KIAA1328: variants seen among roughly 807,000 people sequenced by gnomAD.
KIAA1328 encodes the protein KIAA1328, also known as protein hinderin.
In KIAA1328, 52 loss-of-function variants were observed where a neutral mutation model predicts 68.1. The ratio of observed to expected loss-of-function variants is 0.76; its 90% CI spans 0.61 to 0.96. The LOEUF (loss-of-function observed/expected upper bound fraction) is 0.96. Among genes scored for constraint, KIAA1328 ranks in the 40% least tolerant of loss-of-function variants. KIAA1328 has a pLI of 0.00. For missense variants in KIAA1328, 641 were observed against 677.6 expected, an observed-to-expected ratio of 0.95 and a Z score of 0.60; for synonymous variants, 232 against 239.4, an observed-to-expected ratio of 0.97 and a Z score of 0.28.
At chr18:37,094,896 C>A (rs2057361565) in intron 7 of KIAA1328, among the ~76,000 whole-genome samples, 1 of 150,220 alleles carries the variant, frequency 6.7e-6, no homozygotes, top group South Asian at 2.1e-4. Flanking sequence ...CATTTAAATG[C>A]AAACCAAAAG....
At position 37,115,768 on chromosome 18, in the gene KIAA1328, T is replaced by C. The variant is rs951501627; in HGVS notation, c.1233-44432T>C. On this transcript the variant is annotated intron_variant, in intron 7 of 9. Coordinates refer to ENST00000280020, the MANE Select transcript of KIAA1328 (RefSeq NM_020776.3). ...ATGATTGTATATCTAGAAAACCCCA[T>C]CGTCTCAGCCCAAAATCTCCTTAAG... is the stretch of plus-strand genomic sequence containing the variant. 7.9e-5 allele frequency among the ~76,000 whole-genome samples: 12 copies of C among 152,288 alleles called. No homozygotes were observed. In the South Asian group the frequency reaches 1.7e-3, roughly 21 times the overall value.
At chr18:37,042,580 CTTCA>C (rs1379215745) in intron 6 of KIAA1328, among the ~76,000 whole-genome samples, 1 of 152,004 alleles carries the variant, frequency 6.6e-6, no homozygotes, top group Non-Finnish European at 1.5e-5. Context: ...TGCCTTTTGG[CTTCA>C]TTGTTTCTCA....
At chr18:37,044,798 CAAA>C (rs35937835) in intron 6 of KIAA1328, among the ~76,000 whole-genome samples, 4 of 80,756 alleles carry the variant, frequency 5.0e-5, no homozygotes, top group Non-Finnish European at 5.1e-5. Flanking sequence ...GACTCCGGCT[CAAA>C]AAAAAAAAAA....
At chr18:36,959,680 A>G (rs2051577988) in intron 6 of KIAA1328, among the ~76,000 whole-genome samples, 1 of 152,168 alleles carries the variant, frequency 6.6e-6, no homozygotes, top group African/African-American at 2.4e-5. Flanking sequence ...TTCTGGTTGT[A>G]TGAAAGCACA....
intron 7 of KIAA1328, among the ~76,000 whole-genome samples, chr18:37,095,693 G>A (rs777180311): frequency 2.6e-5 from 4 of 151,894 alleles, no homozygotes; most frequent in Non-Finnish European, 5.9e-5. Context: ...AAAATACATA[G>A]GGCCAATGAA....
intron 1 of KIAA1328, chr18:36,829,540 C>T (rs2150739991): frequency 1.2e-6 from 1 of 858,896 alleles, no homozygotes; most frequent in Non-Finnish European, 1.5e-6. Context: ...CCCAGGCTGA[C>T]TTGAGTGTGC....
chr18:36,829,872 G>A (rs2046404412), intron 1 of KIAA1328, among the ~76,000 whole-genome samples: 1 of 152,148 alleles, frequency 6.6e-6, no homozygotes, highest in Admixed American at 6.5e-5. Context: ...GAGAAGCAGT[G>A]GAACTTTTTA....
chr18:36,829,276 G>C (rs2046367125), intron 1 of KIAA1328, 80 bp downstream of exon 1: 10 of 1,443,306 alleles, frequency 6.9e-6, no homozygotes, highest in Non-Finnish European at 7.2e-6. Context: ...GGCAGTCCGA[G>C]AGCGGAGGAG....
At chr18:37,118,245 T>G (rs1322098238) in intron 7 of KIAA1328, among the ~76,000 whole-genome samples, 1 of 152,120 alleles carries the variant, frequency 6.6e-6, no homozygotes, top group Non-Finnish European at 1.5e-5. Flanking sequence ...TCCACCCGCC[T>G]CAGCCTCCCA....
chr18:37,199,192 C>T (rs928733587), intron 9 of KIAA1328, among the ~76,000 whole-genome samples: 2 of 152,068 alleles, frequency 1.3e-5, no homozygotes, highest in African/African-American at 4.8e-5. Context: ...AATATTTTAT[C>T]CCCTCGGTAT....
chr18:36,956,755 T>G (rs983270799), intron 5 of KIAA1328, among the ~76,000 whole-genome samples: 2 of 152,212 alleles, frequency 1.3e-5, no homozygotes, highest in Non-Finnish European at 2.9e-5. Context: ...CAGACTAATA[T>G]GTTCACCTAC....
intron 7 of KIAA1328, among the ~76,000 whole-genome samples, chr18:37,126,169 A>G (rs1599361312): frequency 6.6e-6 from 1 of 152,240 alleles, no homozygotes; most frequent in East Asian, 1.9e-4. Context: ...GGCTTTGTAT[A>G]TAAGGTATAT....
chr18:36,833,576 C>A (rs975819994), intron 1 of KIAA1328, among the ~76,000 whole-genome samples: 1 of 152,058 alleles, frequency 6.6e-6, no homozygotes, highest in Non-Finnish European at 1.5e-5. Context: ...TCATTCTAAC[C>A]ACTGTGTGAA....
intron 6 of KIAA1328, among the ~76,000 whole-genome samples, chr18:36,972,737 A>G (rs1032142924): frequency 1.3e-5 from 2 of 152,142 alleles, no homozygotes; most frequent in Non-Finnish European, 2.9e-5. Flanking sequence ...CTGGCAGCCA[A>G]CCTGTCTCTC....
chr18:37,034,026 A>G (rs2054933238), intron 6 of KIAA1328, among the ~76,000 whole-genome samples: 1 of 152,178 alleles, frequency 6.6e-6, no homozygotes, highest in African/African-American at 2.4e-5. Context: ...TCCTGGGTAG[A>G]TAAGTGTGTT....
intron 7 of KIAA1328, among the ~76,000 whole-genome samples, chr18:37,102,161 C>G (rs2057638573): frequency 1.3e-5 from 2 of 152,140 alleles, no homozygotes; most frequent in South Asian, 2.1e-4. Flanking sequence ...GCACCATGAT[C>G]AAGTGGGGTT....
intron 9 of KIAA1328, among the ~76,000 whole-genome samples, chr18:37,203,090 C>A (rs547553595): frequency 8.6e-5 from 13 of 150,522 alleles, no homozygotes; most frequent in Middle Eastern, 6.8e-3. Context: ...AAAAGGTAAA[C>A]CAAAATCTTT....
intron 4 of KIAA1328, among the ~76,000 whole-genome samples, chr18:36,860,095 G>A (rs148357189): frequency 6.6e-6 from 1 of 151,940 alleles, no homozygotes; most frequent in African/African-American, 2.4e-5. Context: ...GGGATCTTCT[G>A]TGTATATTTG....
chr18:37,142,792 C>T (rs1223571660), intron 7 of KIAA1328, among the ~76,000 whole-genome samples: 1 of 151,956 alleles, frequency 6.6e-6, no homozygotes, highest in Non-Finnish European at 1.5e-5. Context: ...ATTATTTTTT[C>T]TGTTCTAGGT....
Sources: gnomAD v4.1 joint callset for allele counts (sites outside exome capture counted in the v4.1 genomes callset) on GRCh38, gnomAD v4.1.1 for gene constraint, MANE v1.5 for transcripts, NCBI Gene and HGNC (gene_info 2026-07-23, HGNC 2026-07-21) for gene names.